Variants in PDE3A observed in about 807,000 individuals in gnomAD.
PDE3A encodes the protein cGMP-inhibited 3',5'-cyclic phosphodiesterase 3A.
A neutral mutation model predicts 98.3 loss-of-function variants in PDE3A; 43 were observed. That is an observed-to-expected ratio of 0.44 (90% CI 0.34 to 0.56). PDE3A has a LOEUF of 0.56. Ranked by LOEUF, PDE3A falls within the 20% of genes least tolerant of loss-of-function variation. PDE3A has a pLI of 0.01. For missense variants in PDE3A, 1,427 were observed against 1,440.7 expected, an observed-to-expected ratio of 0.99 and a Z score of 0.15; for synonymous variants, 663 against 567.9, an observed-to-expected ratio of 1.17 and a Z score of -2.38.
intron 5 of PDE3A, among the ~76,000 whole-genome samples, chr12:20,622,758 A>AG (rs143354084): frequency 0.056 from 8,588 of 152,158 alleles, 270 homozygotes; most frequent in African/African-American, 0.073. Context: ...AGACTCTTAA[A>AG]GGGGTGCTAA....
At chr12:20,548,734 C>G (rs184034012) in intron 1 of PDE3A, among the ~76,000 whole-genome samples, 20 of 152,060 alleles carry the variant, frequency 1.3e-4, no homozygotes, top group Non-Finnish European at 2.5e-4. Flanking sequence ...TCCACAGTTT[C>G]TATTTCTTTT....
At chr12:20,499,489 TATAAC>T (rs979968333) in intron 1 of PDE3A, among the ~76,000 whole-genome samples, 5 of 152,204 alleles carry the variant, frequency 3.3e-5, no homozygotes, top group African/African-American at 7.2e-5. Context: ...ATTTTTATGA[TATAAC>T]ATATATTTAA....
chr12:20,566,250 C>T (rs1005449725), intron 2 of PDE3A, among the ~76,000 whole-genome samples: 8 of 151,370 alleles, frequency 5.3e-5, no homozygotes, highest in African/African-American at 4.9e-5. Context: ...GTGTAATAAG[C>T]GATTCTTGGA....
At chr12:20,621,155 G>C in intron 4 of PDE3A, 141 bp from the exon 5 acceptor site, 1 of 615,314 alleles carries the variant, frequency 1.6e-6, no homozygotes, top group Non-Finnish European at 2.9e-6. Context: ...AAGTACAGTG[G>C]TTCTGTCACT....
chr12:20,578,726 C>G (rs1366254976), intron 2 of PDE3A, among the ~76,000 whole-genome samples: 1 of 152,050 alleles, frequency 6.6e-6, no homozygotes, highest in African/African-American at 2.4e-5. Flanking sequence ...CTCTGTCTAT[C>G]GTTCTCTGAT....
At chr12:20,427,607 G>A (rs147501901) in intron 1 of PDE3A, among the ~76,000 whole-genome samples, 3 of 152,076 alleles carry the variant, frequency 2.0e-5, no homozygotes, top group African/African-American at 7.2e-5. Context: ...AATTTCAGCA[G>A]TTTGTATAAC....
chr12:20,546,544 T>C (rs1052650027), intron 1 of PDE3A, among the ~76,000 whole-genome samples: 2 of 151,874 alleles, frequency 1.3e-5, no homozygotes, highest in Non-Finnish European at 2.9e-5. Flanking sequence ...AGAGCAAATA[T>C]AGGTAGCATA....
intron 1 of PDE3A, among the ~76,000 whole-genome samples, chr12:20,414,960 T>A (rs931001741): frequency 1.3e-5 from 2 of 152,182 alleles, no homozygotes; most frequent in Non-Finnish European, 2.9e-5. Context: ...AAAGTACTCA[T>A]TACTTTTTTG....
At chr12:20,454,511 A>G (rs766303998) in intron 1 of PDE3A, among the ~76,000 whole-genome samples, 6 of 152,128 alleles carry the variant, frequency 3.9e-5, no homozygotes, top group Non-Finnish European at 8.8e-5. Flanking sequence ...GTACATGTGC[A>G]GGTTTGTTAT....
intron 15 of PDE3A, among the ~76,000 whole-genome samples, 180 bp from the exon 16 acceptor site, chr12:20,679,847 CATT>C (rs932531302): frequency 2.3e-4 from 29 of 126,474 alleles, no homozygotes; most frequent in Admixed American, 1.8e-3. Flanking sequence ...TCCAAAACTG[CATT>C]ATTATAATAT....
At position 20,664,445 on chromosome 12, in the gene PDE3A, T is replaced by C. The variant is rs189742395; in HGVS notation, c.3184+10240T>C. 3.1e-3 allele frequency among the ~76,000 whole-genome samples: 472 copies of C among 152,260 alleles called. 4 individuals carry two copies. The highest frequency in any genetic ancestry group is 0.011 in the African/African-American group (456 of 41,550). ...ACTTTACCTCTCTACTCAGAGGTCT[T>C]CCAGACACTTCATGTTCAGAATACC... On this transcript the variant is annotated intron_variant, in intron 15 of 15. Transcript: ENST00000359062.
intron 2 of PDE3A, among the ~76,000 whole-genome samples, chr12:20,610,662 A>G (rs1943826575): frequency 6.6e-6 from 1 of 152,024 alleles, no homozygotes; most frequent in Non-Finnish European, 1.5e-5. Flanking sequence ...GTATGTATAT[A>G]TGCACACACG....
intron 1 of PDE3A, among the ~76,000 whole-genome samples, chr12:20,480,242 C>T (rs994454744): frequency 6.6e-6 from 1 of 152,150 alleles, no homozygotes; most frequent in African/African-American, 2.4e-5. Flanking sequence ...GTCAATGCTA[C>T]AAAAGACAGT....
intron 1 of PDE3A, among the ~76,000 whole-genome samples, chr12:20,498,255 A>G (rs918650406): frequency 3.9e-5 from 6 of 151,904 alleles, no homozygotes; most frequent in African/African-American, 9.7e-5. Context: ...TGGAGCTTGC[A>G]GATTAAAATA....
At chr12:20,612,335 A>G (rs1442186225) in intron 2 of PDE3A, among the ~76,000 whole-genome samples, 1 of 151,160 alleles carries the variant, frequency 6.6e-6, no homozygotes, top group East Asian at 1.9e-4. Context: ...ATTTTTTAGA[A>G]GCTCTCTGTT....
At chr12:20,665,856 T>C (rs1287843391) in intron 15 of PDE3A, among the ~76,000 whole-genome samples, 1 of 152,082 alleles carries the variant, frequency 6.6e-6, no homozygotes, top group East Asian at 1.9e-4. Context: ...TATATATTTG[T>C]ACATATTTAT....
intron 1 of PDE3A, among the ~76,000 whole-genome samples, chr12:20,554,177 A>C (rs913152660): frequency 1.3e-5 from 2 of 151,166 alleles, no homozygotes; most frequent in African/African-American, 4.8e-5. Context: ...AAACAGGGAT[A>C]TTTTAAATCA....
intron 1 of PDE3A, among the ~76,000 whole-genome samples, chr12:20,545,510 C>T (rs1435333735): frequency 1.3e-5 from 2 of 151,892 alleles, no homozygotes; most frequent in African/African-American, 4.8e-5. Flanking sequence ...GAAAAATATC[C>T]GTTAAATTCA....
intron 10 of PDE3A, among the ~76,000 whole-genome samples, chr12:20,643,064 C>T (rs142856097): frequency 5.3e-5 from 8 of 152,046 alleles, no homozygotes; most frequent in Non-Finnish European, 8.8e-5. Context: ...GGGAGATGGG[C>T]GGACTCTGGG....
Sources: gnomAD v4.1 joint callset for allele counts (sites outside exome capture counted in the v4.1 genomes callset) on GRCh38, gnomAD v4.1.1 for gene constraint, MANE v1.5 for transcripts, NCBI Gene and HGNC (gene_info 2026-07-23, HGNC 2026-07-21) for gene names.